BNIPL: variants seen among roughly 807,000 people sequenced by gnomAD.
The protein encoded by BNIPL is BCL2 interacting protein like.
In BNIPL, 33 loss-of-function variants were observed where a neutral mutation model predicts 47.0. The observed-to-expected ratio is 0.70, with a 90% CI of 0.53 to 0.94. The LOEUF (loss-of-function observed/expected upper bound fraction) is 0.94. Ranked by LOEUF, BNIPL falls within the 40% of genes least tolerant of loss-of-function variation. The pLI, the probability that BNIPL is intolerant of heterozygous loss-of-function variation, is 0.00. For synonymous variants in BNIPL, 145 were observed against 162.7 expected (o/e 0.89, Z 0.83); for missense variants, 404 against 445.2 (o/e 0.91, Z 0.83).
chr1:151,036,586 C>A lies in BNIPL; in HGVS notation c.-140C>A. The A allele has an allele frequency of 1.3e-6, 1 of 765,484 alleles. No homozygotes were observed. 47.4% of individuals were successfully genotyped at this position (765,484 alleles called of 1,614,324 possible). On this transcript the variant is annotated 5_prime_UTR_variant, in exon 1 of 10. Transcript: ENST00000368931. ...ACCTGTTTTGAAGATGAGGTTACCT[C>A]CCTTCCACACCTCCCTCCTTGGAGG...
chr1:151,038,457 T>C (rs1558098712), intron 2 of BNIPL, 47 bp from the exon 3 acceptor site: 2 of 1,400,890 alleles, frequency 1.4e-6, no homozygotes, highest in East Asian at 4.6e-5. Context: ...CCTGGCTTGA[T>C]GCCTTTGGTG....
chr1:151,046,273 C>A, intron 9 of BNIPL, 108 bp downstream of exon 9: 1 of 1,488,656 alleles, frequency 6.7e-7, no homozygotes, highest in South Asian at 1.3e-5. Context: ...CTAGAGGGCC[C>A]TGTTTTCGGG....
intron 6 of BNIPL, 26 bp downstream of exon 6, chr1:151,043,460 C>T (rs751967520): frequency 1.3e-6 from 2 of 1,567,662 alleles, no homozygotes; most frequent in South Asian, 1.1e-5. Flanking sequence ...TGAAGGGCTA[C>T]AGGGCAGTGT....
intron 4 of BNIPL, 89 bp from the exon 5 acceptor site, chr1:151,042,867 A>T: frequency 9.4e-7 from 1 of 1,064,094 alleles, no homozygotes; most frequent in Non-Finnish European, 1.3e-6. Flanking sequence ...ATGACAGATT[A>T]GAGTAACAAA....
chr1:151,040,260 G>C (rs183644985), intron 4 of BNIPL, among the ~76,000 whole-genome samples: 2 of 152,216 alleles, frequency 1.3e-5, no homozygotes, highest in Admixed American at 1.3e-4. Flanking sequence ...GCTCACTGCA[G>C]CCTCAACCTC....
At chr1:151,046,022 C>G (rs1676010325) in intron 8 of BNIPL, 45 bp from the exon 9 acceptor site, 3 of 1,613,230 alleles carry the variant, frequency 1.9e-6, no homozygotes, top group Non-Finnish European at 2.5e-6. Flanking sequence ...TTTTGGGAAC[C>G]CTTCTCCCAA....
intron 7 of BNIPL, 58 bp from the exon 8 acceptor site, chr1:151,045,738 CG>C: frequency 6.2e-7 from 1 of 1,612,828 alleles, no homozygotes. Context: ...AACAGTTCCA[CG>C]TGATCTTCAC....
At chr1:151,042,566 AT>A (rs1675863719) in intron 4 of BNIPL, among the ~76,000 whole-genome samples, 1 of 151,890 alleles carries the variant, frequency 6.6e-6, no homozygotes, top group African/African-American at 2.4e-5. Context: ...TAATCCCAGC[AT>A]TTTGGGAGGC....
At chr1:151,039,922 T>C (rs1303099007) in intron 4 of BNIPL, among the ~76,000 whole-genome samples, 1 of 152,116 alleles carries the variant, frequency 6.6e-6, no homozygotes, top group Non-Finnish European at 1.5e-5. Flanking sequence ...GGCTAATTTT[T>C]ATATTTTTAG....
Position 151,047,707 on chromosome 1 carries a change from G to T in BNIPL, c.*1020G>T. 1 of 1,371,158 alleles carries T rather than the reference G, an allele frequency of 7.3e-7. No individual in the cohort carries two copies. The highest frequency in any genetic ancestry group is 9.5e-7 in the Non-Finnish European group (1 of 1,054,986). The allele number at this position is 1,371,158 out of a possible 1,614,324, so 84.9% of individuals were successfully genotyped here. ...CACCCCGCGCGGCCCGCGCGAGCGC[G>T]CCTGCGCGTCGAACCCCACCCCCTT... On this transcript the variant is annotated 3_prime_UTR_variant, in exon 10 of 10. Coordinates refer to ENST00000368931, the MANE Select transcript of BNIPL (RefSeq NM_138278.4).
chr1:151,046,368 A>G (rs921013186), intron 9 of BNIPL, among the ~76,000 whole-genome samples: 1 of 152,018 alleles, frequency 6.6e-6, no homozygotes, highest in African/African-American at 2.4e-5. Flanking sequence ...AATGAAAAAA[A>G]AAAAAAACCT....
Position 151,038,075 on chromosome 1 carries a change from T to C in BNIPL, c.137+413T>C, listed in dbSNP as rs587743398. Among the ~76,000 whole-genome samples the C allele has an allele frequency of 6.8e-5, 6 of 87,714 alleles. No individual in the cohort carries two copies. In the East Asian group the frequency reaches 1.6e-3, roughly 23 times the overall value. The allele number at this position is 87,714 out of a possible 152,430, so 57.5% of individuals were successfully genotyped here. On this transcript the variant is annotated intron_variant, in intron 2 of 9. Coordinates refer to ENST00000368931, the MANE Select transcript of BNIPL (RefSeq NM_138278.4). ...TGAATTAGGACTTGAAGGAAAAAAA[T>C]GGGAAAAAGAAAACAGAGGCCGGGC...
chr1:151,046,554 C>T (rs1676030972), intron 9 of BNIPL, 97 bp from the exon 10 acceptor site: 1 of 1,140,808 alleles, frequency 8.8e-7, no homozygotes. Context: ...AATCATCTAG[C>T]TCTTCCAATT....
At chr1:151,046,246 T>C (rs1676019447) in intron 9 of BNIPL, 81 bp downstream of exon 9, 12 of 1,550,770 alleles carry the variant, frequency 7.7e-6, no homozygotes, top group Admixed American at 6.3e-5. Flanking sequence ...TTGGGGGACA[T>C]ACAAAAGAAC....
intron 4 of BNIPL, among the ~76,000 whole-genome samples, chr1:151,041,068 C>G (rs1394620929): frequency 6.6e-6 from 1 of 151,762 alleles, no homozygotes; most frequent in Non-Finnish European, 1.5e-5. Context: ...ACCTGTAGTC[C>G]CAGCTACTTG....
At chr1:151,046,614 CT>C in intron 9 of BNIPL, 36 bp from the exon 10 acceptor site, 1 of 1,569,754 alleles carries the variant, frequency 6.4e-7, no homozygotes, top group Non-Finnish European at 8.7e-7. Flanking sequence ...GTCCTACCCC[CT>C]GAACCACTTC....
chr1:151,046,782 C>T lies in BNIPL; in HGVS notation c.*95C>T, dbSNP rs1349142208. On this transcript the variant is annotated 3_prime_UTR_variant, in exon 10 of 10. Coordinates refer to ENST00000368931, the MANE Select transcript of BNIPL (RefSeq NM_138278.4). Reference sequence around the variant, plus strand: ...AACTGTTTTGTAAATCATCTTATCCCCAACCTCAGTACCACCGGATCTTCA... The same window carrying T: ...AACTGTTTTGTAAATCATCTTATCCTCAACCTCAGTACCACCGGATCTTCA... 21 of 983,136 alleles carry T rather than the reference C, an allele frequency of 2.1e-5. No individual in the cohort carries two copies. In the Admixed American group the frequency reaches 4.1e-4, roughly 19 times the overall value. 60.9% of individuals were successfully genotyped at this position (983,136 alleles called of 1,614,324 possible).
intron 8 of BNIPL, 59 bp downstream of exon 8, chr1:151,045,942 T>C (rs751404372): frequency 7.7e-5 from 125 of 1,613,650 alleles, no homozygotes; most frequent in Non-Finnish European, 1.0e-4. Flanking sequence ...AAATCAAGAT[T>C]AAGATCTTTC....
At chr1:151,045,029 C>G in intron 7 of BNIPL, 1 of 1,115,122 alleles carries the variant, frequency 9.0e-7, no homozygotes, top group Non-Finnish European at 1.2e-6. Flanking sequence ...CTTTGGAAGG[C>G]CGAGGTGGGC....
Sources: allele counts gnomAD v4.1 joint callset (sites outside exome capture counted in the v4.1 genomes callset), GRCh38; gene constraint gnomAD v4.1.1; transcripts MANE v1.5; gene names NCBI Gene and HGNC (gene_info 2026-07-23, HGNC 2026-07-21).